MPZL1: variants seen among roughly 807,000 people sequenced by gnomAD.
MPZL1 encodes the protein myelin protein zero like 1.
A neutral mutation model predicts 29.3 loss-of-function variants in MPZL1; 16 were observed. That is an observed-to-expected ratio of 0.55 (90% CI 0.37 to 0.83). The LOEUF is 0.83. MPZL1 is among the 40% of genes least tolerant of loss of function. The probability of loss-of-function intolerance (pLI) is 0.00; values close to 1 mark genes in which losing one functional copy is unlikely to be tolerated. For synonymous variants in MPZL1, 143 were observed against 132.0 expected, an observed-to-expected ratio of 1.08 and a Z score of -0.57; for missense variants, 279 against 332.9, an observed-to-expected ratio of 0.84 and a Z score of 1.26.
In MPZL1 at chr1:167,765,723, C is replaced by G. The variant is rs764835005; in HGVS notation, c.232C>G (p.Pro78Ala). The change falls in exon 2 of 6, where the codon CCA becomes GCA. Residue 78 changes from proline to alanine, a missense_variant. Physicochemically the swap from Pro to Ala is conservative, Grantham distance 27. Transcript: ENST00000359523. ...GLTSVSWSFQ[P>A]EGADTTVSFF... ...GACCTCAGTCTCCTGGAGCTTCCAG[C>G]CAGAGGGGGCCGACACTACTGTGTC... 6.2e-7 allele frequency: 1 copy of G among 1,611,232 alleles called. No homozygotes were observed. The highest frequency in any genetic ancestry group is 2.2e-5 in the East Asian group (1 of 44,762).
At chr1:167,739,895 C>A (rs1660481123) in intron 1 of MPZL1, among the ~76,000 whole-genome samples, 1 of 152,196 alleles carries the variant, frequency 6.6e-6, no homozygotes, top group Admixed American at 6.5e-5. Flanking sequence ...TTTATAGTTT[C>A]ACTACGACAG....
chr1:167,746,351 C>T (rs1205313738), intron 1 of MPZL1, among the ~76,000 whole-genome samples: 2 of 151,762 alleles, frequency 1.3e-5, no homozygotes, highest in African/African-American at 4.9e-5. Flanking sequence ...CTGGAGCCAG[C>T]CTTTGAAAGG....
At chr1:167,743,853 C>T (rs548445730) in intron 1 of MPZL1, among the ~76,000 whole-genome samples, 1 of 152,102 alleles carries the variant, frequency 6.6e-6, no homozygotes, top group Admixed American at 6.6e-5. Flanking sequence ...CATCAGCAAA[C>T]AACAACAGTT....
At chr1:167,769,677 G>A (rs374533274) in intron 2 of MPZL1, among the ~76,000 whole-genome samples, 10 of 152,214 alleles carry the variant, frequency 6.6e-5, no homozygotes, top group Middle Eastern at 3.4e-3. Context: ...GACCCTTCAC[G>A]GTTCTTAACA....
chr1:167,761,692 T>C (rs182247922), intron 1 of MPZL1, among the ~76,000 whole-genome samples: 2 of 152,296 alleles, frequency 1.3e-5, no homozygotes, highest in Admixed American at 1.3e-4. Context: ...CTAGACAGCA[T>C]TAAGAGTCCC....
Position 167,787,936 on chromosome 1 carries a change from C to A in MPZL1, c.*15C>A. 1 of 1,590,268 alleles carries A rather than the reference C, an allele frequency of 6.3e-7. No homozygotes were observed. Among genetic ancestry groups the A allele is most frequent in the Non-Finnish European group, 8.6e-7 (1 of 1,158,374 alleles). ...GAAAGAATTAAGAGAATACCTAGAACATATCCTCAGCAAGAAACAAAACCA... is the reference window on the plus strand; with the variant it reads ...GAAAGAATTAAGAGAATACCTAGAAAATATCCTCAGCAAGAAACAAAACCA... On this transcript the variant is annotated 3_prime_UTR_variant, in exon 6 of 6. Coordinates refer to ENST00000359523, the MANE Select transcript of MPZL1 (RefSeq NM_003953.6).
chr1:167,773,977 T>C (rs1661307721), intron 4 of MPZL1: 1 of 152,444 alleles, frequency 6.6e-6, no homozygotes, highest in African/African-American at 2.4e-5. Context: ...AGTGTGATGA[T>C]GGTGCAGGGC....
chr1:167,759,144 T>C (rs1660928898), intron 1 of MPZL1, among the ~76,000 whole-genome samples: 1 of 152,268 alleles, frequency 6.6e-6, no homozygotes, highest in African/African-American at 2.4e-5. Flanking sequence ...CACTATGCCA[T>C]AATTATAAAT....
At chr1:167,747,377 T>C (rs1035933771) in intron 1 of MPZL1, among the ~76,000 whole-genome samples, 2 of 152,120 alleles carry the variant, frequency 1.3e-5, no homozygotes, top group Admixed American at 6.5e-5. Flanking sequence ...TGAGCCACCA[T>C]GCCTGGCAAA....
chr1:167,750,656 T>C (rs1660737396), intron 1 of MPZL1, among the ~76,000 whole-genome samples: 1 of 152,244 alleles, frequency 6.6e-6, no homozygotes, highest in East Asian at 1.9e-4. Flanking sequence ...ATGTATTTCC[T>C]GAAGACTAAG....
intron 1 of MPZL1, among the ~76,000 whole-genome samples, chr1:167,743,790 T>G (rs991966756): frequency 6.6e-6 from 1 of 152,080 alleles, no homozygotes. Context: ...CTTTTATCAG[T>G]TCTGGGAGCT....
chr1:167,779,826 C>T lies in MPZL1; in HGVS notation c.708+3660C>T, dbSNP rs774463650. On this transcript the variant is annotated intron_variant, in intron 5 of 5. Coordinates refer to ENST00000359523, the MANE Select transcript of MPZL1 (RefSeq NM_003953.6). ...CTGAAAAAAATAAAAGAGATAGATACAGCTAACAAGCTCTATCTCCGAATG... is the reference window on the plus strand; with the variant it reads ...CTGAAAAAAATAAAAGAGATAGATATAGCTAACAAGCTCTATCTCCGAATG... Among the ~76,000 whole-genome samples the T allele has an allele frequency of 2.0e-5, 3 of 152,090 alleles. No individual in the cohort carries two copies. In the South Asian group the frequency reaches 6.2e-4, roughly 31 times the overall value.
rs140838858 is a variant in MPZL1, at chr1:167,726,739, C to G, written c.91+4497C>G. The stretch of plus-strand genomic sequence containing the variant: ...TTTTACTCCAACTCCAGGATATCCA[C>G]TAGGCTTAGATGCTGCCAAAAGAAA... On this transcript the variant is annotated intron_variant, in intron 1 of 5. Transcript: ENST00000359523. Among the ~76,000 whole-genome samples, 342 of 152,298 alleles carry G rather than the reference C, an allele frequency of 2.2e-3. 3 individuals are homozygous for G. The highest frequency in any genetic ancestry group is 7.9e-3 in the African/African-American group (328 of 41,558).
intron 2 of MPZL1, among the ~76,000 whole-genome samples, chr1:167,768,817 A>G (rs1354668979): frequency 6.6e-6 from 1 of 152,242 alleles, no homozygotes; most frequent in Non-Finnish European, 1.5e-5. Flanking sequence ...GAGAAACAGC[A>G]TCATGTAGCT....
Position 167,765,686 on chromosome 1 carries a change from G to A in MPZL1, c.195G>A (p.Thr65=), listed in dbSNP as rs150711804. 2,320 of 1,613,348 alleles carry A rather than the reference G, an allele frequency of 1.4e-3. 3 individuals are homozygous for A. The highest frequency in any genetic ancestry group is 6.1e-3 in the Middle Eastern group (37 of 6,060). The stretch of plus-strand genomic sequence containing the variant: ...CCTGCAAGTTCAAGTCTACTAGTAC[G>A]ACTGGCGGGTTGACCTCAGTCTCCT... ...KLTCKFKSTS[T]TGGLTSVSWS... The change falls in exon 2 of 6, where the codon ACG becomes ACA. Residue 65 remains threonine (T), a synonymous_variant. Transcript: ENST00000359523.
At chr1:167,760,747 CTGTGTGTGTGTGTGTG>C (rs58963124) in intron 1 of MPZL1, among the ~76,000 whole-genome samples, 121 of 120,190 alleles carry the variant, frequency 1.0e-3, no homozygotes, top group African/African-American at 3.2e-3. Context: ...GTTGAATAGG[CTGTGTGTGTGTGTGTG>C]TGTGTGTGTG....
At chr1:167,750,458 T>C (rs1660732345) in intron 1 of MPZL1, among the ~76,000 whole-genome samples, 2 of 152,148 alleles carry the variant, frequency 1.3e-5, no homozygotes, top group African/African-American at 4.8e-5. Context: ...TGCCTCAGCC[T>C]CCCAAAATGC....
At chr1:167,726,151 C>G (rs1660141831) in intron 1 of MPZL1, among the ~76,000 whole-genome samples, 1 of 152,192 alleles carries the variant, frequency 6.6e-6, no homozygotes, top group Non-Finnish European at 1.5e-5. Flanking sequence ...TCAAGCCACA[C>G]TGCCATCTTT....
chr1:167,735,610 G>A (rs1317672645), intron 1 of MPZL1, among the ~76,000 whole-genome samples: 3 of 152,146 alleles, frequency 2.0e-5, no homozygotes, highest in Non-Finnish European at 4.4e-5. Flanking sequence ...TGGAGGCTTG[G>A]TAAGTCCAAA....
Sources: allele counts gnomAD v4.1 joint callset (sites outside exome capture counted in the v4.1 genomes callset), GRCh38; gene constraint gnomAD v4.1.1; transcripts MANE v1.5; gene names NCBI Gene and HGNC (gene_info 2026-07-23, HGNC 2026-07-21).